CYP3A7: variants seen among roughly 807,000 people sequenced by gnomAD.
The protein encoded by CYP3A7 is cytochrome P450 family 3 subfamily A member 7.
CYP3A7 carries 45 observed loss-of-function variants against 55.2 expected under a neutral mutation model. That is an observed-to-expected ratio of 0.82 (90% confidence interval 0.64 to 1.05). The LOEUF is 1.05. Among genes scored for constraint, CYP3A7 ranks in the 50% least tolerant of loss-of-function variants. The probability of loss-of-function intolerance (pLI) is 0.00; values close to 1 mark genes in which losing one functional copy is unlikely to be tolerated. For missense variants in CYP3A7, 548 were observed against 605.3 expected, an observed-to-expected ratio of 0.91 and a Z score of 0.99; for synonymous variants, 180 against 207.4, an observed-to-expected ratio of 0.87 and a Z score of 1.13.
At chr7:99,732,585 C>T (rs1483471383) in intron 1 of CYP3A7, among the ~76,000 whole-genome samples, 3 of 152,130 alleles carry the variant, frequency 2.0e-5, no homozygotes, top group African/African-American at 7.2e-5. Context: ...TATGGACTTC[C>T]CCAACTGGGG....
chr7:99,723,542 G>C (rs1814290009), intron 2 of CYP3A7, among the ~76,000 whole-genome samples: 1 of 152,158 alleles, frequency 6.6e-6, no homozygotes. Context: ...CACAAAGACT[G>C]TTTGGTGGTC....
intron 7 of CYP3A7, among the ~76,000 whole-genome samples, chr7:99,715,030 C>T (rs2037499): frequency 2.6e-5 from 4 of 152,042 alleles, no homozygotes; most frequent in African/African-American, 9.7e-5. Context: ...TAATCATGCT[C>T]TTCAAGAAAT....
At chr7:99,718,182 T>G (rs1485801313) in intron 4 of CYP3A7, among the ~76,000 whole-genome samples, 1 of 151,738 alleles carries the variant, frequency 6.6e-6, no homozygotes, top group Non-Finnish European at 1.5e-5. Flanking sequence ...AAATGATGAG[T>G]TAATGAGTAC....
In CYP3A7 at chr7:99,720,192, T is replaced by A. The variant is rs1814141031; in HGVS notation, c.318+121A>T. 8.2e-5 allele frequency: 100 copies of A among 1,220,706 alleles called. 1 individual carries two copies. In the South Asian group the frequency reaches 1.3e-3, roughly 16 times the overall value. 75.6% of individuals were successfully genotyped at this position (1,220,706 alleles called of 1,614,324 possible). A position where few individuals can be genotyped will look rare whatever the true frequency, so the allele number is the denominator to read the frequency against. On this transcript the variant is annotated intron_variant, in intron 4 of 12. Transcript: ENST00000336374. ...ATGTTACCATGGGGGATGGGCAGGA[T>A]GAAGTGTACATGGAACCTTCCTGCA... is the stretch of plus-strand genomic sequence containing the variant.
rs1046839538 is a variant in CYP3A7 at position 99,706,122 on chromosome 7, G to A, written c.1417-527C>T. ...GAAGACACCTTCAGGAAGCATTATC[G>A]TTTTATTTTTTAACATCTTCTCTTG... On this transcript the variant is annotated intron_variant, in intron 12 of 12. Transcript: ENST00000336374. 2.6e-5 allele frequency among the ~76,000 whole-genome samples: 4 copies of A among 152,130 alleles called. No individual in the cohort carries two copies. The East Asian group carries it at 5.8e-4, about 22-fold the overall frequency.
rs1468707458 is a variant in CYP3A7, at chr7:99,707,868, G to A, written c.1360C>T (p.Leu454Phe). Residue 454 changes from leucine to phenylalanine, a missense_variant, in exon 12 of 13, where the codon CTT becomes TTT. Leu to Phe is a conservative substitution (Grantham distance 22). Coordinates refer to ENST00000336374, the MANE Select transcript of CYP3A7 (RefSeq NM_000765.5). ...TTCTGAAGGACTCTGACTAGAGCAA[G>A]TTTCATGTTCACGAGAGCAAACCTC... ...GMRFALVNMK[L>F]ALVRVLQNFS... The A allele has an allele frequency of 1.9e-6, 3 of 1,614,046 alleles. No homozygotes were observed. The highest frequency in any genetic ancestry group is 2.5e-6 in the Non-Finnish European group (3 of 1,179,920).
chr7:99,714,007 A>C (rs1813845682), intron 8 of CYP3A7, among the ~76,000 whole-genome samples: 1 of 152,140 alleles, frequency 6.6e-6, no homozygotes, highest in East Asian at 1.9e-4. Context: ...TCCAGGGCTC[A>C]TGAAGGCAAA....
chr7:99,716,052 C>CCTTCTGAGGGAGTGTGATGGG, intron 6 of CYP3A7, 146 bp from the exon 7 acceptor site: 1 of 1,513,258 alleles, frequency 6.6e-7, no homozygotes, highest in Non-Finnish European at 9.0e-7. Context: ...TCTCCCATCA[C>CCTTCTGAGGGAGTGTGATGGG]ACTCCCTCAG....
chr7:99,728,525 C>G (rs1227256077), intron 2 of CYP3A7, among the ~76,000 whole-genome samples: 1 of 152,154 alleles, frequency 6.6e-6, no homozygotes, highest in African/African-American at 2.4e-5. Context: ...TTGGCACTCC[C>G]TCTCATCTTT....
chr7:99,722,271 C>T, intron 3 of CYP3A7, 25 bp downstream of exon 3: 1 of 1,613,414 alleles, frequency 6.2e-7, no homozygotes, highest in South Asian at 1.1e-5. Flanking sequence ...CAAGTCTATC[C>T]AATGGAATCT....
At chr7:99,730,694 A>G (rs1814577194) in intron 2 of CYP3A7, 2 of 241,268 alleles carry the variant, frequency 8.3e-6, no homozygotes, top group African/African-American at 4.5e-5. Flanking sequence ...AACAAGCCAC[A>G]ATCAGGGGCT....
At chr7:99,710,698 C>T (rs779644303) in intron 10 of CYP3A7, 34 bp downstream of exon 10, 2 of 1,613,610 alleles carry the variant, frequency 1.2e-6, no homozygotes, top group Non-Finnish European at 1.7e-6. Context: ...AAGGCTTCAC[C>T]TCCTCCCTCC....
chr7:99,723,637 C>T (rs1416736063), intron 2 of CYP3A7, among the ~76,000 whole-genome samples: 7 of 152,264 alleles, frequency 4.6e-5, no homozygotes, highest in African/African-American at 1.4e-4. Context: ...TGTCCTCGCC[C>T]TCACTCCATG....
Position 99,713,514 on chromosome 7 carries a change from G to C in CYP3A7, c.820C>G (p.Leu274Val). 6 of 1,613,434 alleles carry C rather than the reference G, an allele frequency of 3.7e-6. No homozygotes were observed. The highest frequency in any genetic ancestry group is 5.1e-6 in the Non-Finnish European group (6 of 1,179,560). Residue 274 changes from leucine (L) to valine (V), a missense_variant, in exon 9 of 13, where the codon CTG becomes GTG. Transcript: ENST00000336374. The part of the protein sequence containing the change: ...TQKHRVDFLQ[L>V]MIDSQNSKDS... ...TTTGAATTCTGAGAGTCAATCATCAGCTGAAGGAAATCCACTCGGTGCTAG... is the reference window on the plus strand; with the variant it reads ...TTTGAATTCTGAGAGTCAATCATCACCTGAAGGAAATCCACTCGGTGCTAG...
intron 3 of CYP3A7, chr7:99,720,714 G>T: frequency 3.1e-6 from 1 of 327,188 alleles, no homozygotes; most frequent in South Asian, 3.7e-5. Flanking sequence ...AAGCTGGGTG[G>T]TGCATACATG....
intron 7 of CYP3A7, 49 bp downstream of exon 7, chr7:99,715,709 A>G (rs1813916601): frequency 6.2e-7 from 1 of 1,612,764 alleles, no homozygotes. Context: ...TCAATAAAGC[A>G]GTTATTTTTA....
chr7:99,707,950 G>A lies in CYP3A7; in HGVS notation c.1278C>T (p.Asn426=). Residue 426 remains asparagine (N), a synonymous_variant, in exon 12 of 13, where the codon AAC becomes AAT. Coordinates refer to ENST00000336374, the MANE Select transcript of CYP3A7 (RefSeq NM_000765.5). ...PERFSKKNKD[N]IDPYIYTPFG... ...AGGGTGTGTATATGTAAGGATCTAT[G>A]TTGTCCTTGTTCTTTTTACTGAACC... The A allele has an allele frequency of 8.7e-6, 14 of 1,613,880 alleles. No individual in the cohort carries two copies. The highest frequency in any genetic ancestry group is 1.2e-5 in the Non-Finnish European group (14 of 1,179,824).
intron 1 of CYP3A7, among the ~76,000 whole-genome samples, chr7:99,732,434 A>G (rs1461175682): frequency 1.3e-5 from 2 of 152,176 alleles, no homozygotes; most frequent in East Asian, 1.9e-4. Context: ...ACAGCCAGAC[A>G]TGCTCATTTT....
chr7:99,711,404 A>G (rs1424533880), intron 9 of CYP3A7, among the ~76,000 whole-genome samples: 2 of 152,198 alleles, frequency 1.3e-5, no homozygotes, highest in African/African-American at 4.8e-5. Flanking sequence ...TTAAGAGACC[A>G]ATATTGGAAT....
Sources: allele counts gnomAD v4.1 joint callset (sites outside exome capture counted in the v4.1 genomes callset), GRCh38; gene constraint gnomAD v4.1.1; transcripts MANE v1.5; gene names NCBI Gene and HGNC (gene_info 2026-07-23, HGNC 2026-07-21).